ENOX1: variants seen among roughly 807,000 people sequenced by gnomAD.
ENOX1 encodes the protein ecto-NOX disulfide-thiol exchanger 1.
A neutral mutation model predicts 82.5 loss-of-function variants in ENOX1; 42 were observed. The observed-to-expected ratio is 0.51, with a 90% confidence interval of 0.40 to 0.66. ENOX1 has a LOEUF of 0.66. Ranked by LOEUF, ENOX1 falls within the 30% of genes least tolerant of loss-of-function variation. The pLI, the probability that ENOX1 is intolerant of heterozygous loss-of-function variation, is 0.00. For missense variants in ENOX1, 608 were observed against 811.6 expected, an observed-to-expected ratio of 0.75 and a Z score of 3.05; for synonymous variants, 271 against 282.2, an observed-to-expected ratio of 0.96 and a Z score of 0.40.
At chr13:43,327,269 T>C (rs1042584581) in intron 9 of ENOX1, among the ~76,000 whole-genome samples, 1 of 152,144 alleles carries the variant, frequency 6.6e-6, no homozygotes, top group African/African-American at 2.4e-5. Flanking sequence ...ATGATCACAT[T>C]CCATTATCAC....
chr13:43,314,011 C>A (rs78230209), intron 11 of ENOX1, among the ~76,000 whole-genome samples: 2,647 of 152,260 alleles, frequency 0.017, 93 homozygotes, highest in African/African-American at 0.06. Context: ...CAATGCCCTG[C>A]CGGAAATGCT....
chr13:43,730,938 C>T (rs1382904704), intron 1 of ENOX1, among the ~76,000 whole-genome samples: 1 of 152,134 alleles, frequency 6.6e-6, no homozygotes, highest in Non-Finnish European at 1.5e-5. Context: ...CCTATGATAC[C>T]CTGCAGCAGC....
intron 3 of ENOX1, among the ~76,000 whole-genome samples, chr13:43,470,295 C>CGTATATATAT: frequency 2.2e-5 from 1 of 45,218 alleles, no homozygotes; most frequent in African/African-American, 7.5e-5. Context: ...TATATATATA[C>CGTATATATAT]ACATATATAT....
intron 10 of ENOX1, among the ~76,000 whole-genome samples, chr13:43,322,750 T>A (rs2047889847): frequency 1.3e-5 from 2 of 152,160 alleles, no homozygotes; most frequent in Admixed American, 1.3e-4. Context: ...CTCTCTTGAG[T>A]CTCAATTTCC....
At chr13:43,576,176 T>G (rs758752667) in intron 2 of ENOX1, among the ~76,000 whole-genome samples, 2 of 152,204 alleles carry the variant, frequency 1.3e-5, no homozygotes, top group Non-Finnish European at 2.9e-5. Flanking sequence ...CTACTTAGAT[T>G]GGCACCAAAT....
intron 9 of ENOX1, among the ~76,000 whole-genome samples, chr13:43,329,814 G>A (rs1284035055): frequency 3.3e-5 from 5 of 151,964 alleles, no homozygotes; most frequent in South Asian, 2.1e-4. Flanking sequence ...GTATTCACAC[G>A]GCCCAGTTTT....
At chr13:43,631,265 T>A (rs1310216238) in intron 2 of ENOX1, among the ~76,000 whole-genome samples, 2 of 152,202 alleles carry the variant, frequency 1.3e-5, no homozygotes, top group African/African-American at 4.8e-5. Flanking sequence ...AGCTACTAGC[T>A]GCACTAGGCT....
chr13:43,570,889 C>T (rs189802823), intron 2 of ENOX1, among the ~76,000 whole-genome samples: 12 of 152,244 alleles, frequency 7.9e-5, no homozygotes, highest in African/African-American at 2.9e-4. Context: ...GCAAGATGTC[C>T]CTAGGCAAAT....
chr13:43,374,288 C>T (rs1181211812), intron 5 of ENOX1, among the ~76,000 whole-genome samples: 1 of 150,884 alleles, frequency 6.6e-6, no homozygotes, highest in African/African-American at 2.4e-5. Flanking sequence ...TTCTGTCACC[C>T]AGGCTGGAGT....
At chr13:43,430,851 C>G (rs1305196062) in intron 3 of ENOX1, among the ~76,000 whole-genome samples, 1 of 152,134 alleles carries the variant, frequency 6.6e-6, no homozygotes, top group African/African-American at 2.4e-5. Flanking sequence ...TATTTAAATA[C>G]CACATGGATG....
intron 14 of ENOX1, among the ~76,000 whole-genome samples, chr13:43,247,525 G>A (rs949327515): frequency 6.6e-6 from 1 of 151,862 alleles, no homozygotes; most frequent in Non-Finnish European, 1.5e-5. Flanking sequence ...TGTGAAGGGC[G>A]TGGACTTGAG....
At chr13:43,645,720 G>A (rs1391628463) in intron 2 of ENOX1, among the ~76,000 whole-genome samples, 1 of 79,510 alleles carries the variant, frequency 1.3e-5, no homozygotes, top group Non-Finnish European at 2.5e-5. Context: ...CTCAGTAAGT[G>A]AAAAGAATTA....
intron 2 of ENOX1, among the ~76,000 whole-genome samples, chr13:43,614,646 A>G (rs982192633): frequency 1.4e-5 from 2 of 147,636 alleles, no homozygotes; most frequent in African/African-American, 2.5e-5. Flanking sequence ...CTGGGTCCCA[A>G]TCCAGTTTCT....
At chr13:43,292,426 AT>A (rs2046050320) in intron 12 of ENOX1, among the ~76,000 whole-genome samples, 1 of 152,170 alleles carries the variant, frequency 6.6e-6, no homozygotes, top group Admixed American at 6.5e-5. Context: ...TCAGATAGAA[AT>A]TAAAAACAGA....
intron 12 of ENOX1, 109 bp downstream of exon 12, chr13:43,298,237 T>C (rs1342051183): frequency 3.4e-6 from 4 of 1,160,658 alleles, no homozygotes; most frequent in Admixed American, 5.8e-5. Flanking sequence ...AGCTTTTTGG[T>C]TGTCATTTCT....
intron 15 of ENOX1, among the ~76,000 whole-genome samples, chr13:43,234,436 A>G (rs1218802413): frequency 2.0e-5 from 3 of 152,242 alleles, no homozygotes. Context: ...GTTTATTTTA[A>G]TCACTTAAGT....
At chr13:43,490,374 T>G (rs1036127018) in intron 2 of ENOX1, among the ~76,000 whole-genome samples, 1 of 152,154 alleles carries the variant, frequency 6.6e-6, no homozygotes, top group Non-Finnish European at 1.5e-5. Flanking sequence ...GACTCTGGAT[T>G]TTAGACTTTG....
At chr13:43,708,255 C>T (rs1481987314) in intron 1 of ENOX1, among the ~76,000 whole-genome samples, 1 of 152,166 alleles carries the variant, frequency 6.6e-6, no homozygotes, top group African/African-American at 2.4e-5. Context: ...GCACATTGGG[C>T]ATGCAGCCCC....
intron 11 of ENOX1, among the ~76,000 whole-genome samples, chr13:43,316,426 A>G (rs1176998060): frequency 6.6e-6 from 1 of 152,202 alleles, no homozygotes. Flanking sequence ...AGATGTCAAG[A>G]ATCATGGCAT....
Sources: allele counts gnomAD v4.1 joint callset (sites outside exome capture counted in the v4.1 genomes callset), GRCh38; gene constraint gnomAD v4.1.1; transcripts MANE v1.5; gene names NCBI Gene and HGNC (gene_info 2026-07-23, HGNC 2026-07-21).